PDE4D: variants seen among roughly 807,000 people sequenced by gnomAD.
The protein encoded by PDE4D is phosphodiesterase 4D.
In PDE4D, 24 loss-of-function variants were observed where a neutral mutation model predicts 87.4. That is an observed-to-expected ratio of 0.27 (90% CI 0.20 to 0.39). The LOEUF (loss-of-function observed/expected upper bound fraction) is 0.39, where lower values mean the gene tolerates loss of function less well. Among genes scored for constraint, PDE4D ranks in the 10% least tolerant of loss-of-function variants. The pLI, the probability that PDE4D is intolerant of heterozygous loss-of-function variation, is 1.00. For missense variants in PDE4D, 714 were observed against 1,041.0 expected (o/e 0.69, Z 4.32); for synonymous variants, 384 against 383.2 (o/e 1.00, Z -0.02).
intron 1 of PDE4D, among the ~76,000 whole-genome samples, chr5:59,642,569 G>A (rs1164408453): frequency 1.3e-5 from 2 of 152,096 alleles, no homozygotes; most frequent in East Asian, 1.9e-4. Context: ...TTCCACTTTT[G>A]CATCTTCCTC....
chr5:60,143,426 C>A (rs907167657), intron 2 of PDE4D, among the ~76,000 whole-genome samples: 1 of 152,148 alleles, frequency 6.6e-6, no homozygotes, highest in African/African-American at 2.4e-5. Context: ...ACACATTAGA[C>A]ACACATATAT....
chr5:59,317,108 T>C (rs138479002), intron 1 of PDE4D, among the ~76,000 whole-genome samples: 12 of 152,284 alleles, frequency 7.9e-5, no homozygotes, highest in African/African-American at 2.4e-4. Flanking sequence ...CTTCTCTGCA[T>C]GGCAGTTGTC....
At chr5:60,196,559 T>C (rs776560051) in intron 1 of PDE4D, among the ~76,000 whole-genome samples, 37 of 151,674 alleles carry the variant, frequency 2.4e-4, no homozygotes, top group South Asian at 4.2e-4. Context: ...CTGTGAATCA[T>C]AGGACAGCAT....
At chr5:60,057,519 C>T (rs1770909626) in intron 2 of PDE4D, among the ~76,000 whole-genome samples, 1 of 152,000 alleles carries the variant, frequency 6.6e-6, no homozygotes, top group South Asian at 2.1e-4. Context: ...CCTTCTGTCC[C>T]CAGCCCTGTA....
intron 5 of PDE4D, among the ~76,000 whole-genome samples, chr5:59,051,033 A>G (rs1400555669): frequency 2.6e-5 from 4 of 152,240 alleles, no homozygotes; most frequent in African/African-American, 9.6e-5. Flanking sequence ...ACCCTCAAAT[A>G]TTAACCAGTT....
chr5:60,359,183 G>A (rs1364344150), intron 1 of PDE4D, among the ~76,000 whole-genome samples: 1 of 152,218 alleles, frequency 6.6e-6, no homozygotes, highest in African/African-American at 2.4e-5. Context: ...AAGGAGGGCT[G>A]ATTGCTAGAG....
chr5:59,331,847 T>A (rs1314249323), intron 1 of PDE4D, among the ~76,000 whole-genome samples: 1 of 152,224 alleles, frequency 6.6e-6, no homozygotes, highest in Non-Finnish European at 1.5e-5. Flanking sequence ...GTTTTCTGTC[T>A]CCAAGAATGA....
intron 1 of PDE4D, among the ~76,000 whole-genome samples, chr5:59,448,303 G>A (rs1798637091): frequency 6.6e-6 from 1 of 152,166 alleles, no homozygotes; most frequent in Admixed American, 6.5e-5. Flanking sequence ...CCACACTGAT[G>A]AGGAGATTTT....
intron 1 of PDE4D, among the ~76,000 whole-genome samples, chr5:59,223,290 G>T (rs1752966928): frequency 6.6e-6 from 1 of 152,150 alleles, no homozygotes; most frequent in South Asian, 2.1e-4. Context: ...AACAACCTAG[G>T]TGGGGCTCCA....
At chr5:59,662,596 T>C (rs1745434172) in intron 1 of PDE4D, among the ~76,000 whole-genome samples, 1 of 152,202 alleles carries the variant, frequency 6.6e-6, no homozygotes, top group Non-Finnish European at 1.5e-5. Context: ...CTTAAAAAAG[T>C]TACATAAATT....
At chr5:60,001,644 A>C (rs1288205554) in intron 2 of PDE4D, among the ~76,000 whole-genome samples, 1 of 152,182 alleles carries the variant, frequency 6.6e-6, no homozygotes, top group African/African-American at 2.4e-5. Flanking sequence ...TTCTAAATTT[A>C]GAATAAAAGT....
chr5:60,099,453 A>G (rs1776015367), intron 2 of PDE4D, among the ~76,000 whole-genome samples: 1 of 151,928 alleles, frequency 6.6e-6, no homozygotes, highest in African/African-American at 2.4e-5. Flanking sequence ...AATTCACCAT[A>G]AGTTAAGGCA....
At chr5:59,777,522 A>G (rs1764196337) in intron 1 of PDE4D, among the ~76,000 whole-genome samples, 1 of 152,214 alleles carries the variant, frequency 6.6e-6, no homozygotes, top group Admixed American at 6.5e-5. Flanking sequence ...AGACCATGCT[A>G]ACATAAAGAT....
chr5:60,456,250 C>A (rs1164626630), intron 1 of PDE4D, among the ~76,000 whole-genome samples: 1 of 152,112 alleles, frequency 6.6e-6, no homozygotes, highest in Non-Finnish European at 1.5e-5. Flanking sequence ...TTGACAATAT[C>A]CACATGGCTC....
intron 1 of PDE4D, among the ~76,000 whole-genome samples, chr5:59,282,336 A>G (rs1765967594): frequency 6.6e-6 from 1 of 152,066 alleles, no homozygotes; most frequent in Admixed American, 6.6e-5. Context: ...ATAAATTGAG[A>G]TTTTCATTAA....
chr5:59,581,997 T>A (rs1165925433), intron 1 of PDE4D, among the ~76,000 whole-genome samples: 1 of 152,188 alleles, frequency 6.6e-6, no homozygotes, highest in African/African-American at 2.4e-5. Flanking sequence ...ATGAGCTCCA[T>A]CTAAACTTTA....
intron 1 of PDE4D, among the ~76,000 whole-genome samples, chr5:60,424,732 G>A (rs1743514369): frequency 6.6e-6 from 1 of 152,182 alleles, no homozygotes; most frequent in East Asian, 1.9e-4. Flanking sequence ...AGCAAAAGAG[G>A]AAGTCAAACT....
At chr5:59,965,576 C>A (rs1031719365) in intron 3 of PDE4D, among the ~76,000 whole-genome samples, 2 of 152,146 alleles carry the variant, frequency 1.3e-5, no homozygotes, top group East Asian at 3.9e-4. Context: ...AGAGAGGGCG[C>A]ACAATCACTC....
At chr5:59,182,469 A>T (rs911936528) in intron 4 of PDE4D, among the ~76,000 whole-genome samples, 2 of 151,794 alleles carry the variant, frequency 1.3e-5, no homozygotes, top group African/African-American at 4.8e-5. Flanking sequence ...TGCTGTGTGT[A>T]ACAGGGTGTT....
Sources: gnomAD v4.1 joint callset for allele counts (sites outside exome capture counted in the v4.1 genomes callset) on GRCh38, gnomAD v4.1.1 for gene constraint, MANE v1.5 for transcripts, NCBI Gene and HGNC (gene_info 2026-07-23, HGNC 2026-07-21) for gene names.